The following ZFAT variants were observed in gnomAD, a reference collection of about 807,000 sequenced individuals.
ZFAT encodes the protein zinc finger protein ZFAT.
In ZFAT, 64 loss-of-function variants were observed where a neutral mutation model predicts 117.7. That is an observed-to-expected ratio of 0.54 (90% CI 0.44 to 0.67). The LOEUF (loss-of-function observed/expected upper bound fraction) is 0.67. ZFAT is among the 30% of genes least tolerant of loss of function. The pLI is 0.00. For synonymous variants in ZFAT, 679 were observed against 615.0 expected, an observed-to-expected ratio of 1.10 and a Z score of -1.54; for missense variants, 1,433 against 1,584.5, an observed-to-expected ratio of 0.90 and a Z score of 1.62.
At chr8:134,714,183 A>T (rs1814159461), upstream of ZFAT, among the ~76,000 whole-genome samples, 1 of 134,194 alleles carries the variant, frequency 7.5e-6, no homozygotes, top group Non-Finnish European at 1.6e-5. Flanking sequence ...ATTTGTGTTC[A>T]TGGTTCCCCT....
the ZFAT span, among the ~76,000 whole-genome samples, chr8:134,798,789 T>C: frequency 6.6e-6 from 1 of 152,156 alleles, no homozygotes; most frequent in African/African-American, 2.4e-5. Context: ...GGCTATTTTG[T>C]AGCCTAAACC....
intron 1 of ZFAT, among the ~76,000 whole-genome samples, chr8:134,709,605 CAG>C (rs1813911407): frequency 6.6e-6 from 1 of 152,188 alleles, no homozygotes; most frequent in Admixed American, 6.5e-5. Flanking sequence ...GTAATTAAAT[CAG>C]CCCATCTTGG....
At chr8:134,488,514 A>C (rs1201231025) in intron 15 of ZFAT, among the ~76,000 whole-genome samples, 1 of 152,182 alleles carries the variant, frequency 6.6e-6, no homozygotes, top group Non-Finnish European at 1.5e-5. Flanking sequence ...CCATCTCTGA[A>C]AGCCACCCAC....
intron 11 of ZFAT, among the ~76,000 whole-genome samples, chr8:134,556,691 A>C (rs1823652418): frequency 6.6e-6 from 1 of 152,202 alleles, no homozygotes; most frequent in Admixed American, 6.5e-5. Context: ...TATGGCTATC[A>C]AAATATTTTT....
Position 134,614,032 on chromosome 8 carries a change from C to A in ZFAT, c.449-3377G>T, listed in dbSNP as rs566274743. On this transcript the variant is annotated intron_variant, in intron 3 of 15. Coordinates refer to ENST00000377838, the MANE Select transcript of ZFAT (RefSeq NM_020863.4). The stretch of plus-strand genomic sequence containing the variant: ...TAACCAGTGTCTCTGCTAACAGTAT[C>A]TTGACTAACACACTCTCCGAACCAT... 2.6e-5 allele frequency among the ~76,000 whole-genome samples: 4 copies of A among 152,318 alleles called. No homozygotes were observed. The South Asian group carries it at 8.3e-4, about 32-fold the overall frequency.
chr8:134,709,857 C>G (rs543985447), intron 1 of ZFAT, among the ~76,000 whole-genome samples: 2 of 152,258 alleles, frequency 1.3e-5, no homozygotes, highest in African/African-American at 2.4e-5. Flanking sequence ...TGCGGTAAGA[C>G]GGCTCCAATT....
At chr8:134,542,034 T>C (rs1404938070) in intron 11 of ZFAT, among the ~76,000 whole-genome samples, 1 of 152,200 alleles carries the variant, frequency 6.6e-6, no homozygotes, top group Non-Finnish European at 1.5e-5. Flanking sequence ...AGCTGGTAAC[T>C]TTCTTCCCTA....
intron 1 of ZFAT, among the ~76,000 whole-genome samples, chr8:134,662,169 G>A (rs1465692174): frequency 6.6e-6 from 1 of 152,138 alleles, no homozygotes; most frequent in African/African-American, 2.4e-5. Context: ...ATGGTGGAAG[G>A]GGCAAGGTAG....
chr8:134,641,887 A>G (rs1830606944), intron 2 of ZFAT, among the ~76,000 whole-genome samples: 1 of 152,196 alleles, frequency 6.6e-6, no homozygotes, highest in Admixed American at 6.5e-5. Context: ...AAGGCCAAAA[A>G]CTGGCAAGGG....
In ZFAT at chr8:134,600,443, G is replaced by A. The variant is rs1416537692; in HGVS notation, c.2468C>T (p.Thr823Ile). Residue 823 changes from threonine to isoleucine, a missense_variant, in exon 7 of 16, where the codon ACA (threonine) becomes ATA (isoleucine). This residue lies in a region of ZFAT where 49 missense variants were observed against 81.5 expected (regional missense o/e 0.60). Transcript: ENST00000377838. ...YKLQAHLKVH[T>I]ALDKRSYSCP... ...CTTGGGCTTGCTACTTACCAGTGCT[G>A]TGTGAACTTTAAGATGTGCCTGTAG... The A allele has an allele frequency of 1.2e-6, 2 of 1,614,164 alleles. No homozygotes were observed. Among genetic ancestry groups the A allele is most frequent in the Middle Eastern group, 1.6e-4 (1 of 6,062 alleles).
At chr8:134,663,075 C>T (rs1162346845) in intron 1 of ZFAT, among the ~76,000 whole-genome samples, 1 of 152,276 alleles carries the variant, frequency 6.6e-6, no homozygotes, top group African/African-American at 2.4e-5. Flanking sequence ...GCGCCAAAGA[C>T]ACTCGCTCAT....
the ZFAT span, among the ~76,000 whole-genome samples, chr8:134,728,553 G>T: frequency 2.0e-4 from 30 of 152,194 alleles, no homozygotes; most frequent in Non-Finnish European, 3.7e-4. Context: ...CCACTCTGGA[G>T]GGTGTGAGCA....
intron 3 of ZFAT, among the ~76,000 whole-genome samples, chr8:134,629,934 C>T (rs1158712763): frequency 6.6e-6 from 1 of 152,200 alleles, no homozygotes; most frequent in Non-Finnish European, 1.5e-5. Context: ...CCTCCTGTAC[C>T]ATGACCAGCT....
chr8:134,544,987 G>A (rs1206574989), intron 11 of ZFAT, among the ~76,000 whole-genome samples: 1 of 152,112 alleles, frequency 6.6e-6, no homozygotes, highest in Non-Finnish European at 1.5e-5. Flanking sequence ...AGCATACCAG[G>A]GGACACACAC....
chr8:134,602,328 C>A lies in ZFAT; in HGVS notation c.1391G>T (p.Arg464Leu). The A allele has an allele frequency of 1.2e-6, 2 of 1,613,876 alleles. No individual in the cohort carries two copies. The highest frequency in any genetic ancestry group is 1.7e-6 in the Non-Finnish European group (2 of 1,180,048). The stretch of plus-strand genomic sequence containing the variant: ...CCTGATGGAGCTGACGAACTTCTTG[C>A]GGCAGACGGCACAGACGTACACGAA... ...HPFVYVCAVC[R>L]KKFVSSIRLR... Residue 464 changes from arginine to leucine, a missense_variant, in exon 6 of 16, where the codon CGC becomes CTC. This residue lies in a region of ZFAT where 73 missense variants were observed against 122.0 expected (regional missense o/e 0.60). Coordinates refer to ENST00000377838, the MANE Select transcript of ZFAT (RefSeq NM_020863.4).
intron 1 of ZFAT, among the ~76,000 whole-genome samples, chr8:134,674,448 C>T (rs758144953): frequency 3.9e-5 from 6 of 152,280 alleles, no homozygotes; most frequent in South Asian, 4.1e-4. Flanking sequence ...CCTGAGTAGG[C>T]GGTTTTACCC....
At chr8:134,811,382 G>C in the ZFAT span, among the ~76,000 whole-genome samples, 3 of 151,956 alleles carry the variant, frequency 2.0e-5, no homozygotes, top group South Asian at 4.2e-4. Context: ...ACAAAATTTG[G>C]AATATAAGGT....
At chr8:134,578,756 G>C (rs1007712893) in intron 10 of ZFAT, among the ~76,000 whole-genome samples, 4 of 152,158 alleles carry the variant, frequency 2.6e-5, no homozygotes, top group African/African-American at 9.7e-5. Flanking sequence ...AGAAGCGGGA[G>C]AACTCCAGAT....
intron 15 of ZFAT, among the ~76,000 whole-genome samples, chr8:134,486,795 C>T (rs904313820): frequency 6.6e-6 from 1 of 152,080 alleles, no homozygotes; most frequent in African/African-American, 2.4e-5. Context: ...TGAGATCAGG[C>T]ATGGGAGAGG....
Sources: allele counts gnomAD v4.1 joint callset (sites outside exome capture counted in the v4.1 genomes callset), GRCh38; gene constraint gnomAD v4.1.1; regional missense constraint gnomAD v4.1.1; transcripts MANE v1.5; gene names NCBI Gene and HGNC (gene_info 2026-07-23, HGNC 2026-07-21).